CEACAM19: variants seen among roughly 807,000 people sequenced by gnomAD.
The protein encoded by CEACAM19 is cell adhesion molecule CEACAM19.
Under a neutral mutation model 37.6 loss-of-function variants are expected in CEACAM19, and 37 were observed. The observed-to-expected ratio is 0.98, with a 90% CI of 0.76 to 1.29. The LOEUF is 1.29. CEACAM19 is among the 50% of genes most tolerant of loss of function. The probability of loss-of-function intolerance (pLI) is 0.00; values close to 1 mark genes in which losing one functional copy is unlikely to be tolerated. For missense variants in CEACAM19, 340 were observed against 375.6 expected, an observed-to-expected ratio of 0.91 and a Z score of 0.78; for synonymous variants, 140 against 149.8, an observed-to-expected ratio of 0.93 and a Z score of 0.48.
At position 44,684,232 on chromosome 19, in the gene CEACAM19, T is replaced by G. The variant is rs1299778787; in HGVS notation, c.*742T>G. On this transcript the variant is annotated 3_prime_UTR_variant, in exon 8 of 8. Coordinates refer to ENST00000358777, the MANE Select transcript of CEACAM19 (RefSeq NM_001127893.3). ...GCATTCATTCAGCAATAAATGAGCCTTTGCTGTATGCCAGACCCAGTTCTA... is the reference window on the plus strand; with the variant it reads ...GCATTCATTCAGCAATAAATGAGCCGTTGCTGTATGCCAGACCCAGTTCTA... 6.6e-6 allele frequency: 1 copy of G among 152,196 alleles called. No individual in the cohort carries two copies. 9.4% of individuals were successfully genotyped at this position (152,196 alleles called of 1,614,324 possible). A position where few individuals can be genotyped will look rare whatever the true frequency, so the allele number is the denominator to read the frequency against.
In CEACAM19 at chr19:44,676,197, C is replaced by T. The variant is rs558739820; in HGVS notation, c.425-74C>T. On this transcript the variant is annotated intron_variant, in intron 2 of 7. Transcript: ENST00000358777. ...TTCTCCATGCAGTCACTGATATAGT[C>T]GGTGAGGGACTGGGGGAGCCCTCAG... The T allele has an allele frequency of 1.1e-5, 16 of 1,469,402 alleles. No individual in the cohort carries two copies. The African/African-American group carries it at 1.5e-4, about 14-fold the overall frequency. 91.0% of individuals were successfully genotyped at this position (1,469,402 alleles called of 1,614,324 possible).
intron 1 of CEACAM19, 133 bp from the exon 2 acceptor site, chr19:44,672,463 C>A: frequency 9.9e-7 from 1 of 1,005,756 alleles, no homozygotes; most frequent in Non-Finnish European, 1.4e-6. Flanking sequence ...CATCACTAAT[C>A]AATCCCAGCA....
At chr19:44,668,959 A>G (rs1329331436), upstream of CEACAM19, among the ~76,000 whole-genome samples, 1 of 148,734 alleles carries the variant, frequency 6.7e-6, no homozygotes, top group East Asian at 2.0e-4. Flanking sequence ...AGCTGGGATT[A>G]CAGGCATGCG....
At chr19:44,682,678 A>C in intron 7 of CEACAM19, 58 bp downstream of exon 7, 1 of 1,516,916 alleles carries the variant, frequency 6.6e-7, no homozygotes, top group South Asian at 1.2e-5. Flanking sequence ...GGAGCCCCGA[A>C]GCCGGGGTGG....
Position 44,681,254 on chromosome 19 carries a change from C to G in CEACAM19, c.734C>G (p.Pro245Arg), listed in dbSNP as rs370279431. 6.2e-6 allele frequency: 10 copies of G among 1,613,864 alleles called. No individual in the cohort carries two copies. Among genetic ancestry groups the G allele is most frequent in the Non-Finnish European group, 7.6e-6 (9 of 1,179,992 alleles). Residue 245 changes from proline (P) to arginine (R), a missense_variant, in exon 6 of 8, where the codon CCC becomes CGC. Transcript: ENST00000358777. ...AGDNNIYEVM[P>R]SPVLLVSPIS... Reference sequence around the variant, plus strand: ...GACAACAACATCTATGAAGTGATGCCCTCTCCAGTCCTCCTGGTGTCCCCC... The same window carrying G: ...GACAACAACATCTATGAAGTGATGCGCTCTCCAGTCCTCCTGGTGTCCCCC...
In CEACAM19 at chr19:44,676,324, G is replaced by T. The variant is rs750815509; in HGVS notation, c.478G>T (p.Ala160Ser). The T allele has an allele frequency of 8.1e-6, 13 of 1,613,960 alleles. No individual in the cohort carries two copies. The highest frequency in any genetic ancestry group is 1.1e-5 in the Non-Finnish European group (13 of 1,180,012). Residue 160 changes from alanine (A) to serine (S), a missense_variant, in exon 3 of 8, where the codon GCG becomes TCG. By Grantham distance (99) the Ala-to-Ser change is moderately conservative. Transcript: ENST00000358777. Reference protein sequence around the residue: ...THLPTNAGILAATIIGSLAAG... With the variant: ...THLPTNAGILSATIIGSLAAG... Reference sequence around the variant, plus strand: ...CCTGCCCACCAACGCTGGGATCCTGGCGGCCACCATCATTGGATCTCTTGC... The same window carrying T: ...CCTGCCCACCAACGCTGGGATCCTGTCGGCCACCATCATTGGATCTCTTGC...
intron 2 of CEACAM19, 33 bp from the exon 3 acceptor site, chr19:44,676,238 C>A (rs1973946119): frequency 6.2e-7 from 1 of 1,609,014 alleles, no homozygotes; most frequent in Non-Finnish European, 8.5e-7. Flanking sequence ...ATCGCACAGT[C>A]CCCCCTCTCT....
chr19:44,678,760 T>A, intron 3 of CEACAM19, 93 bp from the exon 4 acceptor site: 560 of 1,255,358 alleles, frequency 4.5e-4, no homozygotes, highest in Non-Finnish European at 5.7e-4. Context: ...CCCTCCCCCC[T>A]CTCCATTTTC....
chr19:44,679,673 C>A (rs925391887), intron 4 of CEACAM19, among the ~76,000 whole-genome samples: 1 of 151,994 alleles, frequency 6.6e-6, no homozygotes, highest in Non-Finnish European at 1.5e-5. Flanking sequence ...GGCATGAACC[C>A]GGGAGGCGGA....
At position 44,671,970 on chromosome 19, in the gene CEACAM19, G is replaced by A. The variant is rs1178729046; in HGVS notation, c.39G>A (p.Lys13=). The change falls in exon 1 of 8, where the codon AAG becomes AAA. Residue 13 remains lysine (K), a synonymous_variant. Transcript: ENST00000358777. The part of the protein sequence containing the change: ...IPMGTQGCFS[K]SLLLSASILV... Reference sequence around the variant, plus strand: ...TGGGGACCCAGGGCTGCTTCTCAAAGAGCCTCCTGCTCTCAGGTAAGGAGG... The same window carrying A: ...TGGGGACCCAGGGCTGCTTCTCAAAAAGCCTCCTGCTCTCAGGTAAGGAGG... 1 of 1,606,420 alleles carries A rather than the reference G, an allele frequency of 6.2e-7. No homozygotes were observed. Among genetic ancestry groups the A allele is most frequent in the Admixed American group, 1.7e-5 (1 of 59,294 alleles).
upstream of CEACAM19, among the ~76,000 whole-genome samples, chr19:44,666,538 C>T (rs1973717526): frequency 6.6e-6 from 1 of 152,122 alleles, no homozygotes; most frequent in South Asian, 2.1e-4. Context: ...GGCGTGGTGG[C>T]GTGCGCCTAT....
upstream of CEACAM19, among the ~76,000 whole-genome samples, chr19:44,667,599 A>AT (rs1392976530): frequency 3.1e-5 from 3 of 97,540 alleles, no homozygotes; most frequent in Non-Finnish European, 4.0e-5. Context: ...ATATTTTTAT[A>AT]TATAAATATA....
At chr19:44,668,761 TATATA>T (rs1178849128), upstream of CEACAM19, among the ~76,000 whole-genome samples, 41 of 113,362 alleles carry the variant, frequency 3.6e-4, no homozygotes, top group East Asian at 1.6e-3. Flanking sequence ...TAATATAATA[TATATA>T]ATATAATATA....
Position 44,682,594 on chromosome 19 carries a change from G to A in CEACAM19, c.820G>A (p.Ala274Thr). 6.2e-7 allele frequency: 1 copy of A among 1,605,298 alleles called. No homozygotes were observed. ...RPLPTPPHLQ[A>T]EPENHQYQDL... ...CCTGCCCACACCCCCACACCTGCAG[G>A]CGGAGCCAGAGAACCACCAGTACCA... is the stretch of plus-strand genomic sequence containing the variant. Residue 274 changes from alanine to threonine, a missense_variant, in exon 7 of 8, where the codon GCG (alanine) becomes ACG (threonine). Transcript: ENST00000358777.
upstream of CEACAM19, among the ~76,000 whole-genome samples, chr19:44,668,049 T>G (rs1393685090): frequency 2.3e-5 from 2 of 86,710 alleles, no homozygotes; most frequent in Non-Finnish European, 3.9e-5. Flanking sequence ...TATATGTTTA[T>G]GTATATATAA....
intron 4 of CEACAM19, 88 bp from the exon 5 acceptor site, chr19:44,680,200 T>C (rs959528517): frequency 1.8e-6 from 2 of 1,083,788 alleles, no homozygotes; most frequent in Non-Finnish European, 2.8e-6. Flanking sequence ...TTCAGGGACC[T>C]GGTGGGATTT....
chr19:44,679,064 C>A, intron 4 of CEACAM19, 128 bp downstream of exon 4: 1 of 1,394,806 alleles, frequency 7.2e-7, no homozygotes, highest in South Asian at 1.4e-5. Context: ...GCGATCGTAG[C>A]TCACCGTAGC....
chr19:44,668,486 T>TATATA (rs1491373985), upstream of CEACAM19, among the ~76,000 whole-genome samples: 896 of 59,418 alleles, frequency 0.015, 67 homozygotes, highest in African/African-American at 0.074. Context: ...ATATATATAT[T>TATATA]ATATATATTA....
At chr19:44,674,925 C>A (rs1003802485) in intron 2 of CEACAM19, among the ~76,000 whole-genome samples, 1 of 152,148 alleles carries the variant, frequency 6.6e-6, no homozygotes, top group African/African-American at 2.4e-5. Flanking sequence ...CAGGTGCCCC[C>A]TTTGGAAGCT....
Sources: allele counts gnomAD v4.1 joint callset (sites outside exome capture counted in the v4.1 genomes callset), GRCh38; gene constraint gnomAD v4.1.1; transcripts MANE v1.5; gene names NCBI Gene and HGNC (gene_info 2026-07-23, HGNC 2026-07-21).